The following NRG1 variants were observed in gnomAD, a reference collection of about 807,000 sequenced individuals.
NRG1 encodes the protein neuregulin 1.
NRG1 carries 18 observed loss-of-function variants against 63.8 expected under a neutral mutation model. That is an observed-to-expected ratio of 0.28 (90% CI 0.19 to 0.42). The LOEUF is 0.42. Ranked by LOEUF, NRG1 falls within the 10% of genes least tolerant of loss-of-function variation. NRG1 has a pLI of 1.00. For missense variants in NRG1, 762 were observed against 814.7 expected, an observed-to-expected ratio of 0.94 and a Z score of 0.79; for synonymous variants, 302 against 301.3, an observed-to-expected ratio of 1.00 and a Z score of -0.02.
At chr8:32,362,834 C>T (rs1807403054) in intron 1 of NRG1, among the ~76,000 whole-genome samples, 1 of 152,186 alleles carries the variant, frequency 6.6e-6, no homozygotes, top group Admixed American at 6.5e-5. Context: ...AGATTTAACT[C>T]TTCTCAAGAC....
At chr8:31,769,934 C>T (rs902983877) in intron 1 of NRG1, among the ~76,000 whole-genome samples, 3 of 152,136 alleles carry the variant, frequency 2.0e-5, no homozygotes, top group African/African-American at 7.2e-5. Flanking sequence ...TGTCCAGGGT[C>T]AGCAAGGCTC....
intron 3 of NRG1, among the ~76,000 whole-genome samples, chr8:32,609,406 C>T (rs571232876): frequency 9.2e-5 from 14 of 152,146 alleles, no homozygotes; most frequent in African/African-American, 3.4e-4. Flanking sequence ...GCAGACGTTG[C>T]ACAGAAACAC....
At chr8:32,698,964 C>T (rs1814104693) in intron 5 of NRG1, among the ~76,000 whole-genome samples, 1 of 152,124 alleles carries the variant, frequency 6.6e-6, no homozygotes, top group Admixed American at 6.6e-5. Flanking sequence ...AAATATATTC[C>T]ACCTCATTCA....
At chr8:32,463,871 ATTCTTTTTTTTTTTTTTTTTTT>A (rs1277262458) in intron 1 of NRG1, among the ~76,000 whole-genome samples, 3,872 of 80,588 alleles carry the variant, frequency 0.048, 271 homozygotes, top group African/African-American at 0.15. Flanking sequence ...AAAACTTAGA[ATTCTTTTTTTTTTTTTTTTTTT>A]TTTTTTTTTT....
intron 5 of NRG1, among the ~76,000 whole-genome samples, chr8:32,662,026 G>GA (rs1239434293): frequency 6.6e-6 from 1 of 152,056 alleles, no homozygotes; most frequent in Non-Finnish European, 1.5e-5. Context: ...CTAGCATAAA[G>GA]AAAAAACAAA....
intron 5 of NRG1, among the ~76,000 whole-genome samples, 188 bp downstream of exon 5, chr8:32,617,073 C>T (rs1348919404): frequency 6.6e-6 from 1 of 152,062 alleles, no homozygotes; most frequent in Non-Finnish European, 1.5e-5. Flanking sequence ...GACATCCTGT[C>T]CTCCCAATAT....
intron 1 of NRG1, among the ~76,000 whole-genome samples, chr8:32,353,021 C>A (rs1434380668): frequency 2.7e-5 from 4 of 149,818 alleles, no homozygotes; most frequent in Non-Finnish European, 4.4e-5. Context: ...ATGTTAAAAA[C>A]ATTATTCTGA....
chr8:32,548,429 C>G lies in NRG1; in HGVS notation c.-298C>G, dbSNP rs1223710716. On this transcript the variant is annotated 5_prime_UTR_variant, in exon 1 of 12. Coordinates refer to ENST00000356819, the Ensembl canonical transcript of NRG1. ...CTCCCCGATCGGGTTGCGAGGGCGC[C>G]GGGCAGAGGCCAGGACGCGAGCCGC... 4 of 1,127,552 alleles carry G rather than the reference C, an allele frequency of 3.5e-6. No individual in the cohort carries two copies. The East Asian group carries it at 1.4e-4, about 40-fold the overall frequency. The allele number at this position is 1,127,552 out of a possible 1,614,324, so 69.8% of individuals were successfully genotyped here.
At chr8:31,942,914 G>T (rs1035023731) in intron 1 of NRG1, among the ~76,000 whole-genome samples, 6 of 149,304 alleles carry the variant, frequency 4.0e-5, no homozygotes, top group African/African-American at 1.5e-4. Flanking sequence ...TGTTGGCGTG[G>T]ATGCAATGAA....
intron 5 of NRG1, among the ~76,000 whole-genome samples, chr8:32,639,882 G>C (rs1481191012): frequency 6.6e-6 from 1 of 152,062 alleles, no homozygotes; most frequent in Admixed American, 6.6e-5. Context: ...GGTTATTCAA[G>C]GTATTTCTTC....
At position 32,101,759 on chromosome 8, in the gene NRG1, TAA is replaced by T. The variant is rs531888499; in HGVS notation, c.37+462330_37+462331del. Among the ~76,000 whole-genome samples, 405 of 152,292 alleles carry T rather than the reference TAA, an allele frequency of 2.7e-3. 2 individuals carry two copies. The highest frequency in any genetic ancestry group is 9.3e-3 in the African/African-American group (387 of 41,566). On this transcript the variant is annotated intron_variant, in intron 1 of 10. Coordinates refer to the NRG1 transcript ENST00000519301. ...AAACAAACTAAAACCCCACAAACTCTAAAGATTTTCCCTTATAGTTATAGAAA... is the reference window on the plus strand; with the variant it reads ...AAACAAACTAAAACCCCACAAACTCTAGATTTTCCCTTATAGTTATAGAAA...
At chr8:32,290,132 T>G (rs1287902269) in intron 1 of NRG1, among the ~76,000 whole-genome samples, 1 of 151,944 alleles carries the variant, frequency 6.6e-6, no homozygotes, top group Non-Finnish European at 1.5e-5. Flanking sequence ...TCCTAGCTAT[T>G]TGGGAGGCTA....
At chr8:31,871,024 A>G (rs1232106462) in intron 1 of NRG1, among the ~76,000 whole-genome samples, 1 of 146,680 alleles carries the variant, frequency 6.8e-6, no homozygotes, top group Non-Finnish European at 1.5e-5. Flanking sequence ...TTTTTTTGAG[A>G]CGGAGTCTCA....
chr8:32,610,750 T>C (rs1240512153), intron 3 of NRG1, among the ~76,000 whole-genome samples: 1 of 152,174 alleles, frequency 6.6e-6, no homozygotes, highest in East Asian at 1.9e-4. Flanking sequence ...TAGACATATA[T>C]CAACCTATGC....
intron 1 of NRG1, among the ~76,000 whole-genome samples, chr8:31,691,488 G>C (rs373606348): frequency 6.6e-6 from 1 of 150,800 alleles, no homozygotes; most frequent in Non-Finnish European, 1.5e-5. Context: ...CCAGCTACTC[G>C]GGAGGCTGAG....
intron 1 of NRG1, among the ~76,000 whole-genome samples, chr8:32,234,534 C>G (rs1847327223): frequency 6.6e-6 from 1 of 152,136 alleles, no homozygotes; most frequent in African/African-American, 2.4e-5. Context: ...TAGATTAAAT[C>G]CATATTTGCT....
At chr8:32,567,670 T>C (rs1003668363) in intron 1 of NRG1, among the ~76,000 whole-genome samples, 1 of 152,212 alleles carries the variant, frequency 6.6e-6, no homozygotes, top group Admixed American at 6.5e-5. Flanking sequence ...ACTGTTGTGT[T>C]TTATTGCCCT....
At chr8:32,583,162 C>G (rs926693945) in intron 1 of NRG1, among the ~76,000 whole-genome samples, 4 of 151,736 alleles carry the variant, frequency 2.6e-5, no homozygotes, top group African/African-American at 9.7e-5. Context: ...CTGGCTTTTT[C>G]TTAGATATTT....
chr8:31,679,194 A>G (rs1032432237), intron 1 of NRG1, among the ~76,000 whole-genome samples: 2 of 151,946 alleles, frequency 1.3e-5, no homozygotes, highest in African/African-American at 4.8e-5. Flanking sequence ...TGTCTTCTCA[A>G]TGAGGCTCAT....
Sources: allele counts gnomAD v4.1 joint callset (sites outside exome capture counted in the v4.1 genomes callset), GRCh38; gene constraint gnomAD v4.1.1; transcripts MANE v1.5; gene names NCBI Gene and HGNC (gene_info 2026-07-23, HGNC 2026-07-21).